GALNT13: variants seen among roughly 807,000 people sequenced by gnomAD.
GALNT13 encodes the protein polypeptide N-acetylgalactosaminyltransferase 13, also known as UDP-GalNAc:polypeptide N-acetylgalactosaminyltransferase 13.
GALNT13 carries 28 observed loss-of-function variants against 64.2 expected under a neutral mutation model. That is an observed-to-expected ratio of 0.44 (90% CI 0.32 to 0.60). The LOEUF (loss-of-function observed/expected upper bound fraction) is 0.60. Ranked by LOEUF, GALNT13 falls within the 20% of genes least tolerant of loss-of-function variation. The pLI is 0.05. For missense variants in GALNT13, 577 were observed against 669.8 expected, an observed-to-expected ratio of 0.86 and a Z score of 1.53; for synonymous variants, 214 against 224.6, an observed-to-expected ratio of 0.95 and a Z score of 0.42.
the GALNT13 span, among the ~76,000 whole-genome samples, chr2:153,301,235 G>A: frequency 0.13 from 18,513 of 138,816 alleles, 1,408 homozygotes; most frequent in Non-Finnish European, 0.17. Context: ...ACTTGAACCC[G>A]GTAGACAGAG....
rs147912271 is a variant in GALNT13, at chr2:154,332,338, C to G, written c.1156+30749C>G. 9.9e-5 allele frequency among the ~76,000 whole-genome samples: 15 copies of G among 152,022 alleles called. No individual in the cohort carries two copies. In the East Asian group the frequency reaches 2.7e-3, roughly 28 times the overall value. ...TCAAAGCTTGGTTTTTACAAGAGTT[C>G]CCTAGTTTTGATAAATTCTTGAATC... On this transcript the variant is annotated intron_variant, in intron 9 of 12. Coordinates refer to ENST00000392825, the MANE Select transcript of GALNT13 (RefSeq NM_052917.4).
chr2:154,449,259 G>A (rs1012571381), intron 12 of GALNT13, among the ~76,000 whole-genome samples: 2 of 151,154 alleles, frequency 1.3e-5, no homozygotes, highest in Non-Finnish European at 2.9e-5. Flanking sequence ...GGCCTCTTCC[G>A]CCACAAACCT....
the GALNT13 span, among the ~76,000 whole-genome samples, chr2:153,809,956 TTTTTGTTTTG>T: frequency 2.8e-4 from 43 of 152,138 alleles, no homozygotes; most frequent in African/African-American, 9.4e-4. Context: ...ATTTCTTTGT[TTTTTGTTTTG>T]TTTTGTTTTG....
At chr2:153,436,806 T>G in the GALNT13 span, among the ~76,000 whole-genome samples, 218 of 152,312 alleles carry the variant, frequency 1.4e-3, 2 homozygotes, top group Non-Finnish European at 1.6e-3. Flanking sequence ...TTTGAACGGT[T>G]TTTCATGTCT....
intron 4 of GALNT13, among the ~76,000 whole-genome samples, chr2:154,179,421 A>T (rs1416711621): frequency 1.3e-5 from 2 of 152,112 alleles, no homozygotes; most frequent in African/African-American, 4.8e-5. Flanking sequence ...GAAAAGGGAA[A>T]TTTGCTGGTA....
chr2:153,340,592 T>C, the GALNT13 span, among the ~76,000 whole-genome samples: 1 of 151,520 alleles, frequency 6.6e-6, no homozygotes, highest in Non-Finnish European at 1.5e-5. Flanking sequence ...GAGGCAGAGA[T>C]TGCAGTGAGC....
the GALNT13 span, among the ~76,000 whole-genome samples, chr2:153,144,785 G>T: frequency 6.6e-6 from 1 of 151,876 alleles, no homozygotes; most frequent in Non-Finnish European, 1.5e-5. Flanking sequence ...TGACAGATCT[G>T]AGTGTGGGAC....
At chr2:153,709,559 G>T in the GALNT13 span, among the ~76,000 whole-genome samples, 1 of 151,954 alleles carries the variant, frequency 6.6e-6, no homozygotes, top group Non-Finnish European at 1.5e-5. Flanking sequence ...AATTAGTGCA[G>T]CCATTATGGA....
chr2:153,312,305 A>G, the GALNT13 span, among the ~76,000 whole-genome samples: 10 of 152,206 alleles, frequency 6.6e-5, no homozygotes, highest in African/African-American at 2.2e-4. Context: ...TAAGGCTTCC[A>G]TGACACGGGG....
chr2:154,387,183 T>C (rs1019793310), intron 9 of GALNT13, among the ~76,000 whole-genome samples: 12 of 152,078 alleles, frequency 7.9e-5, no homozygotes, highest in Non-Finnish European at 1.8e-4. Context: ...ACATAGGGAA[T>C]AGATAAAAAG....
intron 1 of GALNT13, among the ~76,000 whole-genome samples, chr2:153,884,805 ATGTG>A (rs1365077072): frequency 1.5e-5 from 2 of 133,642 alleles, no homozygotes; most frequent in Non-Finnish European, 3.1e-5. Context: ...ATATATATAT[ATGTG>A]TGTGTGTGTG....
the GALNT13 span, among the ~76,000 whole-genome samples, chr2:153,643,292 G>A: frequency 6.6e-6 from 1 of 151,216 alleles, no homozygotes; most frequent in Non-Finnish European, 1.5e-5. Flanking sequence ...GCAAAAATAA[G>A]CAATACTTTA....
At chr2:153,940,735 T>C (rs773953508) in intron 2 of GALNT13, among the ~76,000 whole-genome samples, 4 of 152,168 alleles carry the variant, frequency 2.6e-5, no homozygotes, top group South Asian at 2.1e-4. Context: ...ATTTAAAGTA[T>C]GCTGAGTGCC....
At chr2:153,229,452 T>G in the GALNT13 span, among the ~76,000 whole-genome samples, 1 of 152,144 alleles carries the variant, frequency 6.6e-6, no homozygotes, top group South Asian at 2.1e-4. Context: ...TCAGCAGCCT[T>G]TTGTAAAGTG....
chr2:153,915,705 A>C (rs74682517), intron 2 of GALNT13, among the ~76,000 whole-genome samples: 1 of 21,246 alleles, frequency 4.7e-5, no homozygotes, highest in Non-Finnish European at 1.1e-4. Context: ...GTTCTTTTCC[A>C]CAGTCTTAGC....
the GALNT13 span, among the ~76,000 whole-genome samples, chr2:153,212,166 T>G: frequency 1.3e-5 from 2 of 151,262 alleles, no homozygotes; most frequent in Non-Finnish European, 3.0e-5. Flanking sequence ...AATAGGCTTG[T>G]TTTTTTTTCT....
chr2:153,141,116 A>C, the GALNT13 span, among the ~76,000 whole-genome samples: 1 of 107,222 alleles, frequency 9.3e-6, no homozygotes, highest in African/African-American at 2.6e-5. Context: ...AAATCAGGAA[A>C]TATGTGGTCT....
intron 3 of GALNT13, among the ~76,000 whole-genome samples, chr2:153,949,677 G>C (rs1692027413): frequency 6.6e-6 from 1 of 152,046 alleles, no homozygotes; most frequent in African/African-American, 2.4e-5. Context: ...ATACAGAGTG[G>C]GGATGTGGCA....
the GALNT13 span, among the ~76,000 whole-genome samples, chr2:153,138,153 C>T: frequency 8.5e-5 from 13 of 152,172 alleles, no homozygotes; most frequent in South Asian, 2.7e-3. Context: ...CAGAAGGTCC[C>T]ACAGCTATAG....
Sources: allele counts gnomAD v4.1 joint callset (sites outside exome capture counted in the v4.1 genomes callset), GRCh38; gene constraint gnomAD v4.1.1; transcripts MANE v1.5; gene names NCBI Gene and HGNC (gene_info 2026-07-23, HGNC 2026-07-21).